Variants in SLC22A12 observed in about 807,000 individuals in gnomAD.
The protein encoded by SLC22A12 is solute carrier family 22 member 12, also known as organic anion transporter 4-like protein.
In SLC22A12, 56 loss-of-function variants were observed where a neutral mutation model predicts 52.7. The ratio of observed to expected loss-of-function variants is 1.06; its 90% CI spans 0.86 to 1.33. The LOEUF (loss-of-function observed/expected upper bound fraction) is 1.33. Ranked by LOEUF, SLC22A12 falls within the 40% of genes most tolerant of loss-of-function variation. The probability of loss-of-function intolerance (pLI) is 0.00; values close to 1 mark genes in which losing one functional copy is unlikely to be tolerated. For missense variants in SLC22A12, 683 were observed against 741.5 expected, an observed-to-expected ratio of 0.92 and a Z score of 0.92; for synonymous variants, 337 against 324.6, an observed-to-expected ratio of 1.04 and a Z score of -0.41.
intron 4 of SLC22A12, among the ~76,000 whole-genome samples, chr11:64,596,136 A>G (rs1436961324): frequency 2.7e-5 from 4 of 150,162 alleles, no homozygotes; most frequent in African/African-American, 7.4e-5. Context: ...TGATGGATGG[A>G]TGGGATGGAT....
At position 64,599,170 on chromosome 11, in the gene SLC22A12, G is replaced by A. The variant is rs552514615; in HGVS notation, c.1070+247G>A. On this transcript the variant is annotated intron_variant, in intron 6 of 9. Transcript: ENST00000377574. ...GTAGGATCCCTAACAAAGCTCCTGG[G>A]AGGGCTGGGAGCCAGGCATGACGAA... Among the ~76,000 whole-genome samples the A allele has an allele frequency of 8.5e-5, 13 of 152,270 alleles. No homozygotes were observed. The South Asian group carries it at 2.7e-3, about 32-fold the overall frequency.
Position 64,600,483 on chromosome 11 carries a change from T to C in SLC22A12, c.1394+8T>C, listed in dbSNP as rs1303386619. ...CTTCCCCACTGTGCTCAGGTGAGGC[T>C]GGGCCTGGGCTCCAGGAGAGGGGAG... On this transcript the variant is annotated splice_region_variant and intron_variant, in intron 8 of 9. Transcript: ENST00000377574. The C allele has an allele frequency of 4.4e-6, 7 of 1,590,784 alleles. No individual in the cohort carries two copies. Among genetic ancestry groups the C allele is most frequent in the Non-Finnish European group, 4.3e-6 (5 of 1,172,586 alleles).
intron 8 of SLC22A12, 47 bp from the exon 9 acceptor site, chr11:64,600,688 C>A: frequency 1.2e-6 from 2 of 1,600,358 alleles, no homozygotes; most frequent in Non-Finnish European, 1.7e-6. Context: ...AGGATCAAGG[C>A]TGTGGGCACA....
At chr11:64,601,382 C>A in intron 9 of SLC22A12, 106 bp from the exon 10 acceptor site, 1 of 1,189,282 alleles carries the variant, frequency 8.4e-7, no homozygotes, top group Non-Finnish European at 1.2e-6. Context: ...TCTGGGCCCC[C>A]GAGAGCAGGG....
In SLC22A12 at chr11:64,601,586, AAG is replaced by A. The variant is rs1324611225; in HGVS notation, c.*39_*40del. 6.2e-7 allele frequency: 1 copy of A among 1,609,036 alleles called. No individual in the cohort carries two copies. Among genetic ancestry groups the A allele is most frequent in the East Asian group, 2.2e-5 (1 of 44,834 alleles). ...GAACCTGCGATGGGACGGTCAGAGG[AAG>A]AGACTTCTTCTGTTCTCTGGAGAAG... is the stretch of plus-strand genomic sequence containing the variant. On this transcript the variant is annotated 3_prime_UTR_variant, in exon 10 of 10. Coordinates refer to ENST00000377574, the MANE Select transcript of SLC22A12 (RefSeq NM_144585.4).
Position 64,593,809 on chromosome 11 carries a change from TG to T in SLC22A12, c.830+7del. On this transcript the variant is annotated splice_region_variant and intron_variant, in intron 4 of 9. Coordinates refer to ENST00000377574, the MANE Select transcript of SLC22A12 (RefSeq NM_144585.4). ...CTCTGCTTTTTGTACTCCTGGTGGG[TG>T]CTGTGCCCCACTCCCCTCCTCAGAG... The T allele has an allele frequency of 6.2e-7, 1 of 1,603,026 alleles. No homozygotes were observed. Among genetic ancestry groups the T allele is most frequent in the Non-Finnish European group, 8.5e-7 (1 of 1,179,824 alleles).
At chr11:64,601,033 C>T (rs964346550) in intron 9 of SLC22A12, 95 bp downstream of exon 9, 36 of 1,495,958 alleles carry the variant, frequency 2.4e-5, no homozygotes, top group Admixed American at 7.0e-5. Context: ...TTGACAGAGG[C>T]GGAAGCAGAG....
chr11:64,599,858 T>C lies in SLC22A12; in HGVS notation c.1253T>C (p.Leu418Pro), dbSNP rs121907895. Reference protein sequence around the residue: ...TLAASLLLAGLCILANTLVPH... With the variant: ...TLAASLLLAGPCILANTLVPH... Reference sequence around the variant, plus strand: ...GCCGCATCCCTGTTGCTGGCAGGGCTCTGCATTCTGGCCAACACGCTGGTG... The same window carrying C: ...GCCGCATCCCTGTTGCTGGCAGGGCCCTGCATTCTGGCCAACACGCTGGTG... Residue 418 changes from leucine (L) to proline (P), a missense_variant, in exon 7 of 10, where the codon CTC becomes CCC. By Grantham distance (98) the Leu-to-Pro change is moderately conservative (BLOSUM62 -3). Transcript: ENST00000377574. The C allele has an allele frequency of 1.2e-6, 2 of 1,612,560 alleles. No individual in the cohort carries two copies. Among genetic ancestry groups the C allele is most frequent in the South Asian group, 2.2e-5 (2 of 91,042 alleles).
chr11:64,599,789 G>GCGC lies in SLC22A12; in HGVS notation c.1186_1188dup (p.Ala396dup). 6.2e-7 allele frequency: 1 copy of GCGC among 1,612,968 alleles called. No homozygotes were observed. The highest frequency in any genetic ancestry group is 8.5e-7 in the Non-Finnish European group (1 of 1,179,930). ...GTCGTGGACATCCCAGCCAAGATGG[G>GCGC]CGCCCTGCTGCTGCTGAGCCACCTG... On this transcript the variant is annotated inframe_insertion, in exon 7 of 10. Transcript: ENST00000377574.
Position 64,598,642 on chromosome 11 carries a change from A to C in SLC22A12, c.954+3A>C, listed in dbSNP as rs765122960. ...TGCAGGACACCCTGACCCCTGAGGTAAGGCTGGGTCCTCCTCAAACCCGGA... is the reference window on the plus strand; with the variant it reads ...TGCAGGACACCCTGACCCCTGAGGTCAGGCTGGGTCCTCCTCAAACCCGGA... On this transcript the variant is annotated splice_donor_region_variant and intron_variant, in intron 5 of 9. Transcript: ENST00000377574. 2 of 1,610,076 alleles carry C rather than the reference A, an allele frequency of 1.2e-6. No individual in the cohort carries two copies. The highest frequency in any genetic ancestry group is 2.2e-5 in the South Asian group (2 of 90,338).
At chr11:64,596,038 G>A (rs1179054168) in intron 4 of SLC22A12, among the ~76,000 whole-genome samples, 2 of 146,824 alleles carry the variant, frequency 1.4e-5, no homozygotes, top group Non-Finnish European at 1.5e-5. Context: ...ATGGATGGTT[G>A]GAATAGATGG....
rs2038965292 is a variant in SLC22A12 at position 64,592,861 on chromosome 11, C to T, written c.485C>T (p.Ala162Val). ...GCTGGGATTCTGGTGGGAGCTGCTG[C>T]GTGCGGCCCTGCCTCAGACAGGTGA... ...YLAGILVGAA[A>V]CGPASDRFGR... Residue 162 changes from alanine to valine, a missense_variant, in exon 2 of 10, where the codon GCG becomes GTG. Coordinates refer to ENST00000377574, the MANE Select transcript of SLC22A12 (RefSeq NM_144585.4). 4 of 1,613,838 alleles carry T rather than the reference C, an allele frequency of 2.5e-6. No homozygotes were observed. The highest frequency in any genetic ancestry group is 1.7e-5 in the Admixed American group (1 of 60,022).
At position 64,593,744 on chromosome 11, in the gene SLC22A12, C is replaced by A. The variant is rs2038997942; in HGVS notation, c.771C>A (p.Asp257Glu). Reference protein sequence around the residue: ...LTAAVAYGVRDWTLLQLVVSV... With the variant: ...LTAAVAYGVREWTLLQLVVSV... ...CTGCAGTGGCCTACGGTGTGCGGGA[C>A]TGGACACTGCTGCAGCTGGTGGTCT... The change falls in exon 4 of 10, where the codon GAC becomes GAA. Residue 257 changes from aspartate to glutamate, a missense_variant. Physicochemically the swap from Asp to Glu is conservative, Grantham distance 45. Transcript: ENST00000377574. 6.2e-7 allele frequency: 1 copy of A among 1,613,348 alleles called. No individual in the cohort carries two copies. The highest frequency in any genetic ancestry group is 8.5e-7 in the Non-Finnish European group (1 of 1,180,028).
chr11:64,599,728 G>A lies in SLC22A12; in HGVS notation c.1123G>A (p.Gly375Ser), dbSNP rs2039388220. Residue 375 changes from glycine (G) to serine (S), a missense_variant, in exon 7 of 10, where the codon GGC becomes AGC. Coordinates refer to ENST00000377574, the MANE Select transcript of SLC22A12 (RefSeq NM_144585.4). Reference sequence around the variant, plus strand: ...CCTGGCCCTGGACCTGCAGGCCCTGGGCAGCAACATCTTCCTGCTCCAAAT... The same window carrying A: ...CCTGGCCCTGGACCTGCAGGCCCTGAGCAGCAACATCTTCCTGCTCCAAAT... ...FGLALDLQAL[G>S]SNIFLLQMFI... The A allele has an allele frequency of 1.9e-6, 3 of 1,611,792 alleles. No homozygotes were observed. The African/African-American group carries it at 4.0e-5, about 22-fold the overall frequency.
intron 2 of SLC22A12, 44 bp downstream of exon 2, chr11:64,592,926 C>T (rs1335709224): frequency 5.9e-6 from 9 of 1,536,482 alleles, no homozygotes; most frequent in Non-Finnish European, 8.1e-6. Flanking sequence ...CCCTCACAAC[C>T]CCTGCTCTCC....
intron 4 of SLC22A12, 25 bp from the exon 5 acceptor site, chr11:64,598,491 C>A (rs374975048): frequency 1.2e-5 from 19 of 1,557,328 alleles, no homozygotes; most frequent in Admixed American, 9.7e-5. Flanking sequence ...AGGCAATGAC[C>A]CCTCCCACGC....
intron 4 of SLC22A12, among the ~76,000 whole-genome samples, chr11:64,595,872 G>C (rs1008474340): frequency 6.8e-6 from 1 of 147,692 alleles, no homozygotes; most frequent in African/African-American, 2.5e-5. Context: ...TGAATGGATG[G>C]AATGGATGGA....
chr11:64,601,436 G>C, intron 9 of SLC22A12, 52 bp from the exon 10 acceptor site: 1 of 1,586,162 alleles, frequency 6.3e-7, no homozygotes, highest in Admixed American at 1.7e-5. Flanking sequence ...CAGGTCAAGG[G>C]TCAGGGGCCA....
intron 6 of SLC22A12, among the ~76,000 whole-genome samples, chr11:64,599,439 C>A (rs1406400998): frequency 6.6e-6 from 1 of 152,296 alleles, no homozygotes; most frequent in East Asian, 1.9e-4. Flanking sequence ...CTCCTCCAAC[C>A]TCTTGCCAGC....
Sources: allele counts gnomAD v4.1 joint callset (sites outside exome capture counted in the v4.1 genomes callset), GRCh38; gene constraint gnomAD v4.1.1; transcripts MANE v1.5; gene names NCBI Gene and HGNC (gene_info 2026-07-23, HGNC 2026-07-21).